JCAD: variants seen among roughly 807,000 people sequenced by gnomAD.
The protein encoded by JCAD is junctional cadherin 5-associated protein.
A neutral mutation model predicts 98.0 loss-of-function variants in JCAD; 40 were observed. The observed-to-expected ratio is 0.41, with a 90% confidence interval of 0.32 to 0.53. The LOEUF (loss-of-function observed/expected upper bound fraction) is 0.53. JCAD is among the 20% of genes least tolerant of loss of function. The pLI is 0.31. For synonymous variants in JCAD, 691 were observed against 682.3 expected (o/e 1.01, Z -0.20); for missense variants, 1,705 against 1,738.1 (o/e 0.98, Z 0.34).
chr10:30,091,714 ATT>A (rs11307523), intron 1 of JCAD, among the ~76,000 whole-genome samples: 2,410 of 81,754 alleles, frequency 0.029, 59 homozygotes, highest in African/African-American at 0.092. Context: ...AAGTTTTTAA[ATT>A]TTTTTTTTTT....
At chr10:30,038,848 T>C (rs1020917427) in intron 2 of JCAD, among the ~76,000 whole-genome samples, 1 of 152,042 alleles carries the variant, frequency 6.6e-6, no homozygotes, top group Admixed American at 6.6e-5. Context: ...AAAAGGTAGG[T>C]GGAGCTTGTG....
chr10:30,017,816 G>C lies in JCAD; in HGVS notation c.*67C>G, dbSNP rs939639954. 17 of 1,437,154 alleles carry C rather than the reference G, an allele frequency of 1.2e-5. No individual in the cohort carries two copies. The African/African-American group carries it at 2.1e-4, about 18-fold the overall frequency. The allele number at this position is 1,437,154 out of a possible 1,614,324, so 89.0% of individuals were successfully genotyped here. ...TCTACATGGGGAAGTGGGGCTGATA[G>C]ACTAAATCTACCAGCTACTTGAGAA... On this transcript the variant is annotated 3_prime_UTR_variant, in exon 4 of 4. Coordinates refer to ENST00000375377, the MANE Select transcript of JCAD (RefSeq NM_020848.4).
intron 1 of JCAD, among the ~76,000 whole-genome samples, chr10:30,048,902 C>CAAATCAA (rs1837412036): frequency 6.6e-6 from 1 of 152,118 alleles, no homozygotes; most frequent in African/African-American, 2.4e-5. Flanking sequence ...AATTTCTTCC[C>CAAATCAA]AGTAGATCTT....
chr10:30,034,011 T>G (rs1024154506), intron 2 of JCAD, among the ~76,000 whole-genome samples: 1 of 151,786 alleles, frequency 6.6e-6, no homozygotes, highest in African/African-American at 2.4e-5. Context: ...TCACCTGAGG[T>G]CAGAAGTATG....
At chr10:30,066,103 CAA>C (rs1469877204) in intron 2 of JCAD, among the ~76,000 whole-genome samples, 2 of 152,160 alleles carry the variant, frequency 1.3e-5, no homozygotes, top group African/African-American at 4.8e-5. Context: ...GTATACAGTG[CAA>C]AGACAGTAGC....
chr10:30,089,513 C>CAT (rs1554802208), intron 1 of JCAD, among the ~76,000 whole-genome samples: 2 of 142,954 alleles, frequency 1.4e-5, no homozygotes, highest in Non-Finnish European at 3.0e-5. Context: ...ATGCTTCTTC[C>CAT]GTGTGTGTGT....
At chr10:30,107,029 T>A (rs1291734785) in intron 1 of JCAD, among the ~76,000 whole-genome samples, 1 of 152,228 alleles carries the variant, frequency 6.6e-6, no homozygotes, top group Non-Finnish European at 1.5e-5. Flanking sequence ...GATTCTTTAT[T>A]AACACTGGAG....
At chr10:30,096,797 G>T (rs956432892) in intron 1 of JCAD, among the ~76,000 whole-genome samples, 2 of 152,158 alleles carry the variant, frequency 1.3e-5, no homozygotes, top group Admixed American at 1.3e-4. Context: ...TGGAGACAGT[G>T]TGGGAAGGTG....
At chr10:30,031,791 G>C (rs1277352220) in intron 2 of JCAD, among the ~76,000 whole-genome samples, 1 of 90,050 alleles carries the variant, frequency 1.1e-5, no homozygotes, top group Non-Finnish European at 2.1e-5. Flanking sequence ...GTCTTGCTCT[G>C]TCGCCCAGGC....
At chr10:30,046,732 G>C (rs969365643) in intron 2 of JCAD, among the ~76,000 whole-genome samples, 1 of 152,178 alleles carries the variant, frequency 6.6e-6, no homozygotes, top group Admixed American at 6.5e-5. Context: ...GCTATTTATT[G>C]AAGGCCCATT....
intron 1 of JCAD, among the ~76,000 whole-genome samples, chr10:30,076,360 A>G (rs1039585478): frequency 6.6e-6 from 1 of 152,220 alleles, no homozygotes; most frequent in African/African-American, 2.4e-5. Context: ...GTACCCGTAC[A>G]GAAATCTGAC....
At chr10:30,065,211 T>C (rs1313105496) in intron 2 of JCAD, among the ~76,000 whole-genome samples, 2 of 152,188 alleles carry the variant, frequency 1.3e-5, no homozygotes, top group African/African-American at 4.8e-5. Flanking sequence ...ATAGTTAACA[T>C]TAACCAATTG....
At chr10:30,099,052 G>A (rs764439982) in intron 1 of JCAD, among the ~76,000 whole-genome samples, 5 of 152,078 alleles carry the variant, frequency 3.3e-5, no homozygotes, top group East Asian at 1.9e-4. Context: ...TTTGAAATTC[G>A]TAGTTTATCC....
rs376932952 is a variant in JCAD at position 30,083,588 on chromosome 10, G to A, written n.129-13767C>T. Among the ~76,000 whole-genome samples the A allele has an allele frequency of 1.2e-4, 18 of 152,262 alleles. No individual in the cohort carries two copies. In the East Asian group the frequency reaches 1.7e-3, roughly 15 times the overall value. ...CCACAGAATACAGGGTCTAGAGACC[G>A]CTAAAGTTAAGCTAAAATGCCTATA... On this transcript the variant is annotated intron_variant and non_coding_transcript_variant, in intron 1 of 2. Coordinates refer to the JCAD transcript ENST00000465712.
Position 30,059,549 on chromosome 10 carries a change from A to C in JCAD, c.-127T>G, listed in dbSNP as rs1160184845. 6.3e-5 allele frequency: 9 copies of C among 142,924 alleles called. No individual in the cohort carries two copies. Among genetic ancestry groups the C allele is most frequent in the Admixed American group, 2.0e-4 (3 of 14,768 alleles). The allele number at this position is 142,924 out of a possible 1,614,324, so 8.9% of individuals were successfully genotyped here. A position where few individuals can be genotyped will look rare whatever the true frequency, so the allele number is the denominator to read the frequency against. Reference sequence around the variant, plus strand: ...CTCCGGCCGGCCGGGGACCAGCGCGACCCGCCCCGCCTGCAGCCGCCGAGG... The same window carrying C: ...CTCCGGCCGGCCGGGGACCAGCGCGCCCCGCCCCGCCTGCAGCCGCCGAGG... On this transcript the variant is annotated 5_prime_UTR_variant, in exon 1 of 4. Coordinates refer to ENST00000375377, the MANE Select transcript of JCAD (RefSeq NM_020848.4). This position sits in a 1 kb window ranked among gnomAD's most constrained non-coding sequence, Gnocchi z 5.0.
rs563634119 is a variant in JCAD at position 30,098,149 on chromosome 10, C to T, written n.128+17218G>A. ...TTGTTCTTGGGAGAAATAACTCCTG[C>T]GACCCTCGGGTCTGCCTAAAGTAGC... On this transcript the variant is annotated intron_variant and non_coding_transcript_variant, in intron 1 of 2. Coordinates refer to the JCAD transcript ENST00000465712. Among the ~76,000 whole-genome samples the T allele has an allele frequency of 1.4e-4, 22 of 152,264 alleles. 3 individuals carry two copies. In the South Asian group the frequency reaches 4.6e-3, roughly 32 times the overall value.
At chr10:30,068,428 C>T (rs1203486568) in intron 2 of JCAD, among the ~76,000 whole-genome samples, 4 of 141,752 alleles carry the variant, frequency 2.8e-5, no homozygotes, top group South Asian at 2.3e-4. Context: ...GGATGTAAAT[C>T]TCCTGTGAAA....
intron 1 of JCAD, among the ~76,000 whole-genome samples, chr10:30,098,212 C>T (rs1479260551): frequency 6.6e-6 from 1 of 152,152 alleles, no homozygotes; most frequent in Non-Finnish European, 1.5e-5. Context: ...TATGACTTCT[C>T]CTGACTCTTT....
chr10:30,088,805 T>TA (rs768820918), intron 1 of JCAD, among the ~76,000 whole-genome samples: 5 of 151,708 alleles, frequency 3.3e-5, no homozygotes, highest in African/African-American at 4.8e-5. Flanking sequence ...CCATCTCTAC[T>TA]AAAAAAATAC....
Sources: allele counts gnomAD v4.1 joint callset (sites outside exome capture counted in the v4.1 genomes callset), GRCh38; gene constraint gnomAD v4.1.1; non-coding constraint Gnocchi (gnomAD v3.1); transcripts MANE v1.5; gene names NCBI Gene and HGNC (gene_info 2026-07-23, HGNC 2026-07-21).